Variants in DIAPH1 observed in about 807,000 individuals in gnomAD.
The protein encoded by DIAPH1 is protein diaphanous homolog 1.
A neutral mutation model predicts 140.7 loss-of-function variants in DIAPH1; 46 were observed. The observed-to-expected ratio is 0.33, with a 90% CI of 0.26 to 0.42. The LOEUF (loss-of-function observed/expected upper bound fraction) is 0.42. Among genes scored for constraint, DIAPH1 ranks in the 10% least tolerant of loss-of-function variants. The pLI, the probability that DIAPH1 is intolerant of heterozygous loss-of-function variation, is 1.00. For synonymous variants in DIAPH1, 565 were observed against 551.6 expected, an observed-to-expected ratio of 1.02 and a Z score of -0.34; for missense variants, 1,310 against 1,558.7, an observed-to-expected ratio of 0.84 and a Z score of 2.69.
chr5:141,575,914 T>C (rs371854994), intron 14 of DIAPH1, among the ~76,000 whole-genome samples: 15 of 152,308 alleles, frequency 9.8e-5, no homozygotes, highest in African/African-American at 3.6e-4. Flanking sequence ...CAGTTCCTAT[T>C]GTTCTAGGGG....
At chr5:141,570,963 G>A (rs557922710) in intron 18 of DIAPH1, among the ~76,000 whole-genome samples, 1 of 152,192 alleles carries the variant, frequency 6.6e-6, no homozygotes, top group African/African-American at 2.4e-5. Flanking sequence ...AGAAAAAATG[G>A]ACCAGAAGTC....
intron 1 of DIAPH1, among the ~76,000 whole-genome samples, chr5:141,616,445 G>C (rs892289842): frequency 6.6e-6 from 1 of 152,106 alleles, no homozygotes; most frequent in Non-Finnish European, 1.5e-5. Context: ...AGGTGGAGGC[G>C]GCGAAAGACC....
In DIAPH1 at chr5:141,527,452, GAA is replaced by G. The variant is rs903008683; in HGVS notation, c.3273+119_3273+120del. 5 of 1,108,906 alleles carry G rather than the reference GAA, an allele frequency of 4.5e-6. No individual in the cohort carries two copies. In the African/African-American group the frequency reaches 8.0e-5, roughly 18 times the overall value. The allele number at this position is 1,108,906 out of a possible 1,614,324, so 68.7% of individuals were successfully genotyped here. A position where few individuals can be genotyped will look rare whatever the true frequency, so the allele number is the denominator to read the frequency against. On this transcript the variant is annotated intron_variant, in intron 24 of 27. Coordinates refer to ENST00000389054, the MANE Select transcript of DIAPH1 (RefSeq NM_005219.5). ...AAACCCAAAAAACTATGTATTTAAAGAAAAAGAGTTTTTTAAGAGAAAAAAAT... is the reference window on the plus strand; with the variant it reads ...AAACCCAAAAAACTATGTATTTAAAGAAAGAGTTTTTTAAGAGAAAAAAAT...
rs927252375 is a variant in DIAPH1 at position 141,574,176 on chromosome 5, G to A, written c.1674C>T (p.Ala558=). ...CAGAGAGGGAAGCCATTTCTTTCTTGGCATCTTCCAGTTCCTTTGTCAGCT... is the reference window on the plus strand; with the variant it reads ...CAGAGAGGGAAGCCATTTCTTTCTTAGCATCTTCCAGTTCCTTTGTCAGCT... ...VAKLTKELED[A]KKEMASLSAA... is the part of the protein sequence containing the mutation. The change falls in exon 16 of 28, where the codon GCC becomes GCT. Residue 558 remains alanine, a synonymous_variant. Transcript: ENST00000389054. The A allele has an allele frequency of 1.9e-6, 3 of 1,613,944 alleles. No individual in the cohort carries two copies. Among genetic ancestry groups the A allele is most frequent in the Admixed American group, 3.3e-5 (2 of 60,004 alleles).
At chr5:141,600,546 G>A (rs1275133339) in intron 1 of DIAPH1, among the ~76,000 whole-genome samples, 1 of 152,220 alleles carries the variant, frequency 6.6e-6, no homozygotes. Context: ...AGGCTCATGA[G>A]TCCTGATTTT....
intron 18 of DIAPH1, 58 bp downstream of exon 18, chr5:141,571,370 T>C: frequency 7.2e-7 from 1 of 1,394,316 alleles, no homozygotes; most frequent in Non-Finnish European, 1.0e-6. Context: ...TTATATCTAT[T>C]TCATCTTTTT....
intron 18 of DIAPH1, among the ~76,000 whole-genome samples, chr5:141,547,856 C>T (rs754902587): frequency 9.2e-5 from 14 of 152,014 alleles, no homozygotes; most frequent in African/African-American, 2.9e-4. Context: ...AAAACCACAC[C>T]GTGGCATATC....
At chr5:141,547,328 G>A (rs1225638709) in intron 18 of DIAPH1, among the ~76,000 whole-genome samples, 2 of 152,148 alleles carry the variant, frequency 1.3e-5, no homozygotes, top group East Asian at 1.9e-4. Context: ...GGCCAGGCAC[G>A]GTGGCAGGTG....
At position 141,587,145 on chromosome 5, in the gene DIAPH1, G is replaced by A. The variant is rs1414699859; in HGVS notation, c.197C>T (p.Ser66Phe). ...RIKKEKEKPNSAHRNSSASYG... is the reference protein window; with the variant it reads ...RIKKEKEKPNFAHRNSSASYG... ...TGATGCAGAAGAATTTCTATGAGCA[G>A]AATTGGGCTTTTCCTTCTCCTTCTT... The change falls in exon 3 of 28, where the codon TCT becomes TTT. Residue 66 changes from serine to phenylalanine, a missense_variant. By Grantham distance (155) the Ser-to-Phe change is radical. Around this residue, in one of 3 missense-constraint regions of DIAPH1, gnomAD observed 377 missense variants for 497.1 expected, o/e 0.76. Transcript: ENST00000389054. The A allele has an allele frequency of 2.5e-6, 4 of 1,614,146 alleles. No individual in the cohort carries two copies. The South Asian group carries it at 3.3e-5, about 13-fold the overall frequency.
chr5:141,524,237 A>G lies in DIAPH1; in HGVS notation c.3575-8T>C. On this transcript the variant is annotated splice_polypyrimidine_tract_variant and splice_region_variant and intron_variant, in intron 26 of 27. Coordinates refer to ENST00000389054, the MANE Select transcript of DIAPH1 (RefSeq NM_005219.5). ...CACCTGTCTCATCGCCCTCTGTTATAAAGAACAAGATGGAGATGTGAACTC... is the reference window on the plus strand; with the variant it reads ...CACCTGTCTCATCGCCCTCTGTTATGAAGAACAAGATGGAGATGTGAACTC... 1.2e-6 allele frequency: 2 copies of G among 1,613,316 alleles called. No homozygotes were observed. Among genetic ancestry groups the G allele is most frequent in the Non-Finnish European group, 1.7e-6 (2 of 1,179,238 alleles).
At chr5:141,591,859 G>T (rs907932630) in intron 1 of DIAPH1, among the ~76,000 whole-genome samples, 38 of 150,180 alleles carry the variant, frequency 2.5e-4, no homozygotes, top group African/African-American at 8.8e-4. Context: ...CGAGTCGGGT[G>T]GATCACGAGA....
At position 141,537,603 on chromosome 5, in the gene DIAPH1, G is replaced by C. The variant is rs548841027; in HGVS notation, c.2483-3170C>G. ...CTACAAGAATTAATCATTCAGTAAG[G>C]TTGACAGATAAAAGACAAGCATATG... On this transcript the variant is annotated intron_variant, in intron 18 of 27. Transcript: ENST00000389054. Among the ~76,000 whole-genome samples the C allele has an allele frequency of 3.9e-5, 6 of 151,902 alleles. No individual in the cohort carries two copies. The East Asian group carries it at 1.2e-3, about 29-fold the overall frequency.
At chr5:141,527,322 G>T (rs757178278) in intron 24 of DIAPH1, among the ~76,000 whole-genome samples, 2 of 152,122 alleles carry the variant, frequency 1.3e-5, no homozygotes, top group Admixed American at 6.6e-5. Flanking sequence ...GGCTGAGGGG[G>T]TAAGGATCGT....
At chr5:141,603,826 A>C (rs1015547704) in intron 1 of DIAPH1, among the ~76,000 whole-genome samples, 2 of 152,234 alleles carry the variant, frequency 1.3e-5, no homozygotes, top group Admixed American at 6.5e-5. Context: ...TAGTTCAAGA[A>C]GGCAAGTACC....
intron 1 of DIAPH1, among the ~76,000 whole-genome samples, chr5:141,603,004 G>A (rs1265108495): frequency 1.3e-5 from 2 of 152,156 alleles, no homozygotes; most frequent in African/African-American, 4.8e-5. Flanking sequence ...AAGAAAAAGG[G>A]TACCTCAGAG....
chr5:141,573,522 C>T lies in DIAPH1; in HGVS notation c.2328G>A (p.Glu776=), dbSNP rs13175631. Residue 776 remains glutamate (E), a synonymous_variant, in exon 16 of 28, where the codon GAG becomes GAA. Transcript: ENST00000389054. ...ACCAGTTTGGCCTCCGGAGCTGCACCTCTGGCTTATAAAGCTTTTTGGGGG... is the reference window on the plus strand; with the variant it reads ...ACCAGTTTGGCCTCCGGAGCTGCACTTCTGGCTTATAAAGCTTTTTGGGGG... ...GLTPKKLYKP[E]VQLRRPNWSK... 2.5e-5 allele frequency: 41 copies of T among 1,613,322 alleles called. No individual in the cohort carries two copies. The highest frequency in any genetic ancestry group is 3.5e-5 in the Non-Finnish European group (41 of 1,179,736).
At chr5:141,600,396 T>G (rs2099899961) in intron 1 of DIAPH1, among the ~76,000 whole-genome samples, 1 of 152,200 alleles carries the variant, frequency 6.6e-6, no homozygotes, top group Non-Finnish European at 1.5e-5. Flanking sequence ...ATGCCAAACT[T>G]CTGACCAACA....
At chr5:141,601,114 TA>T (rs751196500) in intron 1 of DIAPH1, among the ~76,000 whole-genome samples, 5 of 151,868 alleles carry the variant, frequency 3.3e-5, no homozygotes, top group Non-Finnish European at 5.9e-5. Flanking sequence ...CATTAGGAGA[TA>T]CACCTAATGT....
chr5:141,601,462 A>T (rs1056772266), intron 1 of DIAPH1, among the ~76,000 whole-genome samples: 3 of 151,748 alleles, frequency 2.0e-5, no homozygotes, highest in African/African-American at 4.8e-5. Flanking sequence ...TAACTTTTCT[A>T]TTTTTTTAGT....
Sources: allele counts gnomAD v4.1 joint callset (sites outside exome capture counted in the v4.1 genomes callset), GRCh38; gene constraint gnomAD v4.1.1; regional missense constraint gnomAD v4.1.1; transcripts MANE v1.5; gene names NCBI Gene and HGNC (gene_info 2026-07-23, HGNC 2026-07-21).